Variants in STK39 observed in about 807,000 individuals in gnomAD.
STK39 encodes the protein serine/threonine kinase 39.
In STK39, 20 loss-of-function variants were observed where a neutral mutation model predicts 77.8. The ratio of observed to expected loss-of-function variants is 0.26; its 90% CI spans 0.18 to 0.37. The LOEUF (loss-of-function observed/expected upper bound fraction) is 0.37, where lower values mean the gene tolerates loss of function less well. STK39 is among the 10% of genes least tolerant of loss of function. The probability of loss-of-function intolerance (pLI) is 1.00; values close to 1 mark genes in which losing one functional copy is unlikely to be tolerated. For missense variants in STK39, 479 were observed against 656.5 expected (o/e 0.73, Z 2.95); for synonymous variants, 246 against 234.1 (o/e 1.05, Z -0.47).
chr2:168,171,072 C>T (rs1420292784), intron 2 of STK39, among the ~76,000 whole-genome samples: 2 of 152,160 alleles, frequency 1.3e-5, no homozygotes, highest in African/African-American at 4.8e-5. Flanking sequence ...ATGTCACAAG[C>T]GCCAAACCAA....
At chr2:168,201,530 G>A (rs988867246) in intron 1 of STK39, among the ~76,000 whole-genome samples, 3 of 152,192 alleles carry the variant, frequency 2.0e-5, no homozygotes, top group African/African-American at 2.4e-5. Flanking sequence ...GCTGCAAAAA[G>A]AAACTCCTTA....
chr2:168,142,832 C>A (rs909496504), intron 5 of STK39, among the ~76,000 whole-genome samples: 2 of 152,174 alleles, frequency 1.3e-5, no homozygotes, highest in Non-Finnish European at 2.9e-5. Flanking sequence ...AAGAAATATA[C>A]AATTTGCTCC....
chr2:168,236,021 A>C (rs1463560097), intron 1 of STK39, among the ~76,000 whole-genome samples: 2 of 152,004 alleles, frequency 1.3e-5, no homozygotes, highest in Admixed American at 1.3e-4. Flanking sequence ...ATCCCTGAGG[A>C]ATCGCCACAC....
intron 16 of STK39, 74 bp from the exon 17 acceptor site, chr2:167,964,800 A>T: frequency 7.5e-7 from 1 of 1,331,134 alleles, no homozygotes; most frequent in Non-Finnish European, 1.1e-6. Context: ...TCAATGACTC[A>T]GAAAATTTGA....
At chr2:167,990,439 C>A (rs1683672725) in intron 16 of STK39, among the ~76,000 whole-genome samples, 1 of 152,100 alleles carries the variant, frequency 6.6e-6, no homozygotes, top group Non-Finnish European at 1.5e-5. Context: ...TGGCACTGTT[C>A]TGAACAAGAT....
At chr2:168,157,389 G>A (rs968346401) in intron 5 of STK39, among the ~76,000 whole-genome samples, 9 of 152,158 alleles carry the variant, frequency 5.9e-5, no homozygotes, top group African/African-American at 2.2e-4. Context: ...TAAAACCAGG[G>A]AAGGGAAATT....
At chr2:168,005,991 G>A (rs1191333642) in intron 16 of STK39, among the ~76,000 whole-genome samples, 8 of 152,138 alleles carry the variant, frequency 5.3e-5, no homozygotes, top group East Asian at 1.9e-4. Context: ...CTCAAAATCC[G>A]TCAAAGGAAA....
rs115882573 is a variant in STK39 at position 168,074,413 on chromosome 2, G to A, written c.1242+569C>T. On this transcript the variant is annotated intron_variant, in intron 12 of 17. Coordinates refer to ENST00000355999, the MANE Select transcript of STK39 (RefSeq NM_013233.3). ...TAGGATAATTAATCAAATGGAGGAAGTAAATCAAATACGATCTCTTAATCA... is the reference window on the plus strand; with the variant it reads ...TAGGATAATTAATCAAATGGAGGAAATAAATCAAATACGATCTCTTAATCA... Among the ~76,000 whole-genome samples the A allele has an allele frequency of 3.5e-3, 531 of 152,320 alleles. 4 individuals carry two copies. Among genetic ancestry groups the A allele is most frequent in the African/African-American group, 0.011 (475 of 41,570 alleles).
intron 1 of STK39, among the ~76,000 whole-genome samples, chr2:168,195,867 A>G (rs1447187509): frequency 2.0e-5 from 3 of 152,170 alleles, no homozygotes; most frequent in Admixed American, 1.3e-4. Context: ...AAATCAAAAA[A>G]TTAGATGGGC....
chr2:168,077,733 T>A (rs903285074), intron 10 of STK39, among the ~76,000 whole-genome samples: 1 of 152,172 alleles, frequency 6.6e-6, no homozygotes, highest in African/African-American at 2.4e-5. Flanking sequence ...TTATGTGACA[T>A]TGACGTCTAC....
rs1574475551 is a variant in STK39 at position 168,113,725 on chromosome 2, T to A, written c.1089+15816A>T. ...TGGCTTGCTTATTAAAAATGCAGAG[T>A]CCTGAATCCTGTCCCCAGACCTGTA... is the stretch of plus-strand genomic sequence containing the variant. On this transcript the variant is annotated intron_variant, in intron 10 of 17. Transcript: ENST00000355999. Among the ~76,000 whole-genome samples the A allele has an allele frequency of 2.0e-5, 3 of 152,136 alleles. 1 individual carries two copies. The South Asian group carries it at 6.2e-4, about 32-fold the overall frequency.
At chr2:168,228,446 G>A (rs1690363287) in intron 1 of STK39, among the ~76,000 whole-genome samples, 1 of 151,994 alleles carries the variant, frequency 6.6e-6, no homozygotes, top group Non-Finnish European at 1.5e-5. Flanking sequence ...CATCAGTGTT[G>A]TATAAATTTT....
chr2:168,116,432 C>T (rs1240753320), intron 10 of STK39, among the ~76,000 whole-genome samples: 2 of 152,178 alleles, frequency 1.3e-5, no homozygotes, highest in African/African-American at 2.4e-5. Flanking sequence ...TATCAAAGTG[C>T]AACCTTAATC....
At chr2:168,133,526 T>C (rs1687754290) in intron 8 of STK39, among the ~76,000 whole-genome samples, 1 of 152,138 alleles carries the variant, frequency 6.6e-6, no homozygotes, top group South Asian at 2.1e-4. Context: ...TATGCCAAAC[T>C]ATCTCCATGA....
At chr2:168,184,290 T>TAG (rs1689154133) in intron 1 of STK39, among the ~76,000 whole-genome samples, 1 of 152,216 alleles carries the variant, frequency 6.6e-6, no homozygotes, top group Non-Finnish European at 1.5e-5. Flanking sequence ...GCTTTACAGC[T>TAG]AGAGAATTGT....
chr2:168,064,078 G>A (rs766749931), intron 13 of STK39, among the ~76,000 whole-genome samples: 5 of 152,106 alleles, frequency 3.3e-5, no homozygotes, highest in African/African-American at 9.7e-5. Context: ...AGGGAATCCC[G>A]GGACATGAGT....
intron 14 of STK39, among the ~76,000 whole-genome samples, chr2:168,023,702 A>G (rs1016742872): frequency 6.6e-6 from 1 of 152,126 alleles, no homozygotes; most frequent in African/African-American, 2.4e-5. Context: ...AAATCCAAAG[A>G]CCACTCATTG....
chr2:168,128,829 C>T lies in STK39; in HGVS notation c.1089+712G>A, dbSNP rs59901341. Reference sequence around the variant, plus strand: ...ACTGTAAATGGGGGTGAAGAACCTCCTTTTTAAAATATGTGACTATATACA... The same window carrying T: ...ACTGTAAATGGGGGTGAAGAACCTCTTTTTTAAAATATGTGACTATATACA... On this transcript the variant is annotated intron_variant, in intron 10 of 17. Transcript: ENST00000355999. 4.4e-3 allele frequency among the ~76,000 whole-genome samples: 665 copies of T among 152,132 alleles called. 5 individuals carry two copies. Among genetic ancestry groups the T allele is most frequent in the African/African-American group, 0.015 (610 of 41,518 alleles).
intron 1 of STK39, among the ~76,000 whole-genome samples, chr2:168,185,883 A>C (rs1689197553): frequency 6.6e-6 from 1 of 152,186 alleles, no homozygotes; most frequent in African/African-American, 2.4e-5. Flanking sequence ...CTAGATAATA[A>C]AGTGCCAAAG....
Sources: allele counts gnomAD v4.1 joint callset (sites outside exome capture counted in the v4.1 genomes callset), GRCh38; gene constraint gnomAD v4.1.1; transcripts MANE v1.5; gene names NCBI Gene and HGNC (gene_info 2026-07-23, HGNC 2026-07-21).